Variants in OSBPL9 observed in about 807,000 individuals in gnomAD.
OSBPL9 encodes the protein oxysterol-binding protein-related protein 9.
OSBPL9 carries 40 observed loss-of-function variants against 106.6 expected under a neutral mutation model. The observed-to-expected ratio is 0.38, with a 90% CI of 0.29 to 0.49. The LOEUF (loss-of-function observed/expected upper bound fraction) is 0.49. Ranked by LOEUF, OSBPL9 falls within the 20% of genes least tolerant of loss-of-function variation. OSBPL9 has a pLI of 0.97. For synonymous variants in OSBPL9, 269 were observed against 295.4 expected (o/e 0.91, Z 0.92); for missense variants, 609 against 887.2 (o/e 0.69, Z 3.98).
chr1:51,562,547 G>A, the OSBPL9 span, among the ~76,000 whole-genome samples: 1 of 152,182 alleles, frequency 6.6e-6, no homozygotes, highest in Non-Finnish European at 1.5e-5. Context: ...AGGCAGTTGT[G>A]TATTAGACAT....
intron 2 of OSBPL9, among the ~76,000 whole-genome samples, chr1:51,598,920 G>A (rs60103500): frequency 0.025 from 3,852 of 151,922 alleles, 158 homozygotes; most frequent in African/African-American, 0.084. Context: ...CTTGAACCCA[G>A]GAGACAGAGG....
chr1:51,676,942 G>A (rs1457427323), intron 3 of OSBPL9, among the ~76,000 whole-genome samples: 5 of 152,170 alleles, frequency 3.3e-5, no homozygotes, highest in African/African-American at 4.8e-5. Context: ...TATGAACCAG[G>A]CACTGTATAA....
intron 3 of OSBPL9, among the ~76,000 whole-genome samples, chr1:51,676,859 G>A (rs1330462178): frequency 3.3e-5 from 5 of 152,098 alleles, no homozygotes; most frequent in Non-Finnish European, 5.9e-5. Flanking sequence ...CCATTACTTC[G>A]TAGAAATATT....
chr1:51,768,123 A>C (rs1215801598), intron 12 of OSBPL9, among the ~76,000 whole-genome samples: 1 of 151,388 alleles, frequency 6.6e-6, no homozygotes, highest in Non-Finnish European at 1.5e-5. Context: ...TTGTATTTTT[A>C]GTAGAGACGG....
chr1:51,726,213 AT>A (rs1663089890), intron 4 of OSBPL9, among the ~76,000 whole-genome samples: 1 of 151,992 alleles, frequency 6.6e-6, no homozygotes, highest in Admixed American at 6.6e-5. Flanking sequence ...GATTCTCTAT[AT>A]TTGCCTGTTG....
chr1:51,734,253 G>A (rs1665149957), intron 4 of OSBPL9, among the ~76,000 whole-genome samples: 4 of 152,158 alleles, frequency 2.6e-5, no homozygotes, highest in Admixed American at 2.6e-4. Context: ...TGTATTGACT[G>A]AACAACTCGT....
Position 51,716,321 on chromosome 1 carries a change from T to A in OSBPL9, c.318+2242T>A, listed in dbSNP as rs188932034. Among the ~76,000 whole-genome samples the A allele has an allele frequency of 6.4e-3, 971 of 152,326 alleles. 7 individuals are homozygous for A. Among genetic ancestry groups the A allele is most frequent in the Non-Finnish European group, 0.011 (758 of 68,018 alleles). ...TCACTCTAGAGCCAGAATGTCTGTG[T>A]TTGTATCCCAGAGCCCACCACTTAC... On this transcript the variant is annotated intron_variant, in intron 4 of 23. Transcript: ENST00000428468.
At chr1:51,585,645 G>A (rs920893362) in intron 1 of OSBPL9, among the ~76,000 whole-genome samples, 1 of 152,034 alleles carries the variant, frequency 6.6e-6, no homozygotes, top group East Asian at 1.9e-4. Flanking sequence ...GCGTGGTGGT[G>A]CGCACCTGTA....
At chr1:51,521,791 T>C in the OSBPL9 span, among the ~76,000 whole-genome samples, 1 of 152,172 alleles carries the variant, frequency 6.6e-6, no homozygotes, top group Non-Finnish European at 1.5e-5. Flanking sequence ...AAGGTCTCAC[T>C]CTGTCACCCA....
upstream of OSBPL9, among the ~76,000 whole-genome samples, chr1:51,573,620 C>T (rs547593448): frequency 2.6e-5 from 4 of 151,126 alleles, no homozygotes; most frequent in South Asian, 8.4e-4. Flanking sequence ...TGGAGACCAT[C>T]CTGGCCAACA....
chr1:51,739,609 G>C (rs1375005705), intron 4 of OSBPL9, among the ~76,000 whole-genome samples: 1 of 151,880 alleles, frequency 6.6e-6, no homozygotes, highest in African/African-American at 2.4e-5. Flanking sequence ...TTAATACTAG[G>C]CTCAATTTTA....
At chr1:51,720,444 G>C (rs576789398) in intron 4 of OSBPL9, among the ~76,000 whole-genome samples, 18 of 151,604 alleles carry the variant, frequency 1.2e-4, no homozygotes, top group Non-Finnish European at 1.5e-5. Flanking sequence ...TCCTGCCTCA[G>C]CCTCCCAAGT....
the OSBPL9 span, among the ~76,000 whole-genome samples, chr1:51,558,930 T>C: frequency 2.0e-5 from 3 of 152,180 alleles, no homozygotes; most frequent in Non-Finnish European, 4.4e-5. Context: ...AAATTTTCTT[T>C]GTTCTCTACC....
chr1:51,626,526 C>T (rs967626943), intron 1 of OSBPL9, among the ~76,000 whole-genome samples: 4 of 151,676 alleles, frequency 2.6e-5, no homozygotes, highest in Non-Finnish European at 5.9e-5. Context: ...TTTTTTTCCC[C>T]CTTACAACCA....
chr1:51,717,582 G>A (rs746161601), intron 4 of OSBPL9, among the ~76,000 whole-genome samples: 26 of 152,052 alleles, frequency 1.7e-4, no homozygotes, highest in Admixed American at 3.9e-4. Context: ...CAAATGGCAA[G>A]GAGGTATATG....
intron 14 of OSBPL9, among the ~76,000 whole-genome samples, chr1:51,774,132 G>A (rs1221492996): frequency 6.6e-6 from 1 of 152,088 alleles, no homozygotes; most frequent in South Asian, 2.1e-4. Flanking sequence ...CCCTTGAGAC[G>A]TGGAAGAGAA....
chr1:51,786,587 T>C lies in OSBPL9; in HGVS notation c.1970T>C (p.Leu657Ser). ...ATAATCAAGAAGAAAGTGAGGAAGT[T>C]GGAAGATCAGAACGAGTATGAATCC... is the stretch of plus-strand genomic sequence containing the variant. The part of the protein sequence containing the change: ...LPIIKKKVRK[L>S]EDQNEYESRS... The change falls in exon 22 of 24, where the codon TTG (leucine) becomes TCG (serine). Residue 657 changes from leucine to serine, a missense_variant. This residue lies in a region of OSBPL9 where 132 missense variants were observed against 158.1 expected (regional missense o/e 0.83). Transcript: ENST00000428468. 6.2e-7 allele frequency: 1 copy of C among 1,612,894 alleles called. No individual in the cohort carries two copies. Among genetic ancestry groups the C allele is most frequent in the Non-Finnish European group, 8.5e-7 (1 of 1,179,016 alleles).
the OSBPL9 span, among the ~76,000 whole-genome samples, chr1:51,550,387 CTTATG>C: frequency 1.4e-3 from 211 of 152,288 alleles, 2 homozygotes; most frequent in African/African-American, 4.8e-3. Context: ...AGTATTTTTT[CTTATG>C]TTAGGGGGAA....
At chr1:51,522,761 G>A in the OSBPL9 span, among the ~76,000 whole-genome samples, 3 of 152,132 alleles carry the variant, frequency 2.0e-5, no homozygotes, top group African/African-American at 7.2e-5. Flanking sequence ...TGATTACATT[G>A]AAGATAATAA....
Sources: gnomAD v4.1 joint callset for allele counts (sites outside exome capture counted in the v4.1 genomes callset) on GRCh38, gnomAD v4.1.1 for gene constraint, gnomAD v4.1.1 regional missense constraint, MANE v1.5 for transcripts, NCBI Gene and HGNC (gene_info 2026-07-23, HGNC 2026-07-21) for gene names.